The following PLA2R1 variants were observed in gnomAD, a reference collection of about 807,000 sequenced individuals.
The protein encoded by PLA2R1 is secretory phospholipase A2 receptor.
In PLA2R1, 158 loss-of-function variants were observed where a neutral mutation model predicts 195.9. That is an observed-to-expected ratio of 0.81 (90% CI 0.71 to 0.92). The LOEUF (loss-of-function observed/expected upper bound fraction) is 0.92. Ranked by LOEUF, PLA2R1 falls within the 40% of genes least tolerant of loss-of-function variation. The pLI is 0.00. For missense variants in PLA2R1, 1,626 were observed against 1,764.6 expected (o/e 0.92, Z 1.41); for synonymous variants, 586 against 598.2 (o/e 0.98, Z 0.30).
At chr2:160,040,303 C>A (rs535765111) in intron 3 of PLA2R1, among the ~76,000 whole-genome samples, 7 of 151,820 alleles carry the variant, frequency 4.6e-5, no homozygotes, top group East Asian at 1.9e-4. Flanking sequence ...GCACCCCACC[C>A]CCACATTGTA....
intron 11 of PLA2R1, among the ~76,000 whole-genome samples, chr2:159,988,080 G>A (rs990249982): frequency 1.1e-4 from 16 of 151,414 alleles, no homozygotes; most frequent in Non-Finnish European, 2.1e-4. Flanking sequence ...AAGGTAAAAT[G>A]TATTTTTCCA....
intron 20 of PLA2R1, among the ~76,000 whole-genome samples, chr2:159,959,191 T>C (rs902766717): frequency 6.6e-6 from 1 of 152,218 alleles, no homozygotes; most frequent in Non-Finnish European, 1.5e-5. Context: ...ATATTAATTA[T>C]TGGGAAGTCT....
chr2:160,057,824 C>T (rs1022188062), intron 1 of PLA2R1, among the ~76,000 whole-genome samples: 1 of 152,206 alleles, frequency 6.6e-6, no homozygotes, highest in African/African-American at 2.4e-5. Flanking sequence ...CTGGAGCTCA[C>T]TCACCTGCAG....
chr2:159,960,370 A>C (rs1364743748), intron 20 of PLA2R1, among the ~76,000 whole-genome samples: 2 of 152,198 alleles, frequency 1.3e-5, no homozygotes, highest in Non-Finnish European at 2.9e-5. Context: ...TCTAGTGTGT[A>C]AGCACCAAAA....
At position 159,955,733 on chromosome 2, in the gene PLA2R1, C is replaced by T; in HGVS notation, c.3118G>A (p.Val1040Ile). ...YETWLNGKPV[V>I]YSNWSPFDII... ...TCAAATGGAGACCAGTTAGAATATA[C>T]CACAGGCTTTCCATTTAGCCATGTT... Residue 1040 changes from valine to isoleucine, a missense_variant, in exon 22 of 30, where the codon GTA becomes ATA. By Grantham distance (29) the Val-to-Ile change is conservative. Transcript: ENST00000283243. The T allele has an allele frequency of 1.3e-6, 2 of 1,580,106 alleles. No homozygotes were observed. The highest frequency in any genetic ancestry group is 1.7e-6 in the Non-Finnish European group (2 of 1,153,390).
At chr2:159,971,754 T>C (rs971501148) in intron 17 of PLA2R1, among the ~76,000 whole-genome samples, 1 of 152,192 alleles carries the variant, frequency 6.6e-6, no homozygotes, top group Admixed American at 6.5e-5. Flanking sequence ...AATTTTAAGA[T>C]ACATTATTTT....
intron 20 of PLA2R1, among the ~76,000 whole-genome samples, chr2:159,965,026 C>CA (rs888012198): frequency 1.5e-4 from 23 of 151,634 alleles, no homozygotes; most frequent in Admixed American, 3.9e-4. Context: ...GAGTCCATCT[C>CA]AAAAAAAACC....
At chr2:160,013,717 C>G (rs76542162) in intron 9 of PLA2R1, among the ~76,000 whole-genome samples, 68,120 of 103,752 alleles carry the variant, frequency 0.66, 20,992 homozygotes, top group East Asian at 0.78. Context: ...CTCTCTCTCT[C>G]TCTCTGTGTG....
Position 159,984,039 on chromosome 2 carries a change from GTTCTT to G in PLA2R1, c.2067_2071del (p.Lys689AsnfsTer6). 1 of 1,580,850 alleles carries G rather than the reference GTTCTT, an allele frequency of 6.3e-7. No homozygotes were observed. Among genetic ancestry groups the G allele is most frequent in the African/African-American group, 1.3e-5 (1 of 74,458 alleles). The stretch of plus-strand genomic sequence containing the variant: ...GCAAAATGCTTCAGCTTCTCTCCAT[GTTCTT>G]TTCATCAGAACTTTTTCACTATGAA... On this transcript the variant is annotated frameshift_variant, in exon 13 of 30. Transcript: ENST00000283243. LOFTEE classifies it high-confidence loss of function.
At chr2:160,051,694 A>G (rs1008471291) in intron 1 of PLA2R1, among the ~76,000 whole-genome samples, 7 of 152,250 alleles carry the variant, frequency 4.6e-5, no homozygotes, top group Admixed American at 4.6e-4. Context: ...TTCATGGCCG[A>G]GTGATGCAGA....
intron 8 of PLA2R1, among the ~76,000 whole-genome samples, chr2:160,018,652 A>T (rs1692915832): frequency 6.6e-6 from 1 of 151,978 alleles, no homozygotes; most frequent in Admixed American, 6.6e-5. Flanking sequence ...AAACAAACAA[A>T]CAAACAAACA....
chr2:160,021,269 T>C (rs538178566), intron 7 of PLA2R1, among the ~76,000 whole-genome samples: 18 of 152,220 alleles, frequency 1.2e-4, no homozygotes, highest in Admixed American at 1.2e-3. Context: ...GCAATCCCAC[T>C]ACTGGGTATA....
Position 159,967,591 on chromosome 2 carries a change from G to GT in PLA2R1, c.2851dup (p.Thr951AsnfsTer16). 1 of 1,613,460 alleles carries GT rather than the reference G, an allele frequency of 6.2e-7. No homozygotes were observed. The highest frequency in any genetic ancestry group is 8.5e-7 in the Non-Finnish European group (1 of 1,179,520). ...GGGACACGTTCCATGTTGTTTTGGT[G>GT]TATCTTTCTTTTTCTCTATGAGCCA... On this transcript the variant is annotated frameshift_variant, in exon 20 of 30. Transcript: ENST00000283243. LOFTEE classifies it high-confidence loss of function.
intron 1 of PLA2R1, among the ~76,000 whole-genome samples, chr2:160,049,446 A>G (rs1695086278): frequency 6.6e-6 from 1 of 152,236 alleles, no homozygotes; most frequent in South Asian, 2.1e-4. Flanking sequence ...ATAGAGAGAA[A>G]TTATTTGCCT....
At chr2:159,946,570 T>C (rs573083356) in intron 27 of PLA2R1, 11 of 1,212,238 alleles carry the variant, frequency 9.1e-6, no homozygotes, top group Non-Finnish European at 1.0e-5. Flanking sequence ...AGGGTAAAGA[T>C]AAACATGTTA....
intron 3 of PLA2R1, 33 bp from the exon 4 acceptor site, chr2:160,033,165 C>T (rs768651497): frequency 4.9e-5 from 74 of 1,513,504 alleles, no homozygotes; most frequent in South Asian, 3.5e-4. Flanking sequence ...ACAACCAGGT[C>T]TTATTTTATC....
downstream of PLA2R1, among the ~76,000 whole-genome samples, chr2:159,930,014 A>AT (rs1290363877): frequency 2.6e-5 from 4 of 152,176 alleles, no homozygotes; most frequent in African/African-American, 7.2e-5. Flanking sequence ...GTTCTCACTC[A>AT]TAAGTGGGAG....
At chr2:159,999,861 T>C (rs967033380) in intron 11 of PLA2R1, among the ~76,000 whole-genome samples, 1 of 152,186 alleles carries the variant, frequency 6.6e-6, no homozygotes, top group African/African-American at 2.4e-5. Context: ...TTAAAATAAA[T>C]GGTGCTATGA....
chr2:159,953,605 A>G (rs1252480952), intron 23 of PLA2R1, among the ~76,000 whole-genome samples: 2 of 152,252 alleles, frequency 1.3e-5, no homozygotes, highest in Non-Finnish European at 2.9e-5. Flanking sequence ...ACTGAAGCTT[A>G]TCTACAAAGA....
Sources: gnomAD v4.1 joint callset for allele counts (sites outside exome capture counted in the v4.1 genomes callset) on GRCh38, gnomAD v4.1.1 for gene constraint, MANE v1.5 for transcripts, NCBI Gene and HGNC (gene_info 2026-07-23, HGNC 2026-07-21) for gene names.